LDB2: variants seen among roughly 807,000 people sequenced by gnomAD.
The protein encoded by LDB2 is LIM domain-binding protein 2.
A neutral mutation model predicts 44.3 loss-of-function variants in LDB2; 12 were observed. The ratio of observed to expected loss-of-function variants is 0.27; its 90% CI spans 0.17 to 0.44. The LOEUF (loss-of-function observed/expected upper bound fraction) is 0.44. Ranked by LOEUF, LDB2 falls within the 20% of genes least tolerant of loss-of-function variation. The probability of loss-of-function intolerance (pLI) is 1.00; values close to 1 mark genes in which losing one functional copy is unlikely to be tolerated. For synonymous variants in LDB2, 164 were observed against 174.8 expected (o/e 0.94, Z 0.49); for missense variants, 344 against 473.5 (o/e 0.73, Z 2.54).
At chr4:16,634,528 C>A (rs1026348885) in intron 2 of LDB2, among the ~76,000 whole-genome samples, 1 of 152,106 alleles carries the variant, frequency 6.6e-6, no homozygotes, top group East Asian at 1.9e-4. Flanking sequence ...ATGCAGCCAA[C>A]AGACACATGA....
intron 2 of LDB2, among the ~76,000 whole-genome samples, chr4:16,675,324 G>A (rs548235336): frequency 1.1e-4 from 17 of 152,206 alleles, no homozygotes; most frequent in East Asian, 7.7e-4. Context: ...TATCACATGC[G>A]CACTTATTTT....
intron 7 of LDB2, among the ~76,000 whole-genome samples, chr4:16,505,631 TCCC>T (rs960247219): frequency 2.0e-5 from 3 of 150,036 alleles, no homozygotes; most frequent in Non-Finnish European, 4.4e-5. Flanking sequence ...TTGTTAAAAA[TCCC>T]CCCAACATTG....
intron 2 of LDB2, among the ~76,000 whole-genome samples, chr4:16,700,293 T>C (rs576052782): frequency 1.3e-5 from 2 of 152,220 alleles, no homozygotes; most frequent in South Asian, 2.1e-4. Flanking sequence ...GGTCAACTTC[T>C]CATTTTTTCA....
At chr4:16,778,013 C>T (rs991793908) in intron 1 of LDB2, among the ~76,000 whole-genome samples, 3 of 152,250 alleles carry the variant, frequency 2.0e-5, no homozygotes, top group Non-Finnish European at 2.9e-5. Flanking sequence ...CAGTTCACAC[C>T]GCTGCTCCCA....
intron 2 of LDB2, among the ~76,000 whole-genome samples, chr4:16,681,364 GAGCTTGCA>G (rs1012418134): frequency 3.3e-5 from 5 of 152,132 alleles, no homozygotes; most frequent in Non-Finnish European, 7.4e-5. Flanking sequence ...CAATCTGAAT[GAGCTTGCA>G]AGTAAAATAG....
intron 2 of LDB2, among the ~76,000 whole-genome samples, chr4:16,692,944 G>A (rs1329215344): frequency 6.6e-6 from 1 of 152,206 alleles, no homozygotes. Flanking sequence ...TTTCCTTGAG[G>A]TAGAGATTAT....
At chr4:16,697,266 T>TACACACACACACACACACACACAC (rs57040700) in intron 2 of LDB2, among the ~76,000 whole-genome samples, 121 of 130,734 alleles carry the variant, frequency 9.3e-4, no homozygotes, top group Middle Eastern at 4.0e-3. Context: ...CTACTAAAAA[T>TACACACACACACACACACACACAC]ACACACACAC....
At chr4:16,634,960 C>A (rs1391030363) in intron 2 of LDB2, among the ~76,000 whole-genome samples, 1 of 152,102 alleles carries the variant, frequency 6.6e-6, no homozygotes, top group South Asian at 2.1e-4. Flanking sequence ...ACTATGCAGC[C>A]ATAAAAAAGG....
At chr4:16,770,680 C>T (rs1392044145) in intron 1 of LDB2, among the ~76,000 whole-genome samples, 1 of 152,142 alleles carries the variant, frequency 6.6e-6, no homozygotes, top group Non-Finnish European at 1.5e-5. Context: ...TACTCGCTGC[C>T]TGTTGCAATC....
intron 1 of LDB2, among the ~76,000 whole-genome samples, chr4:16,766,732 C>T (rs1460717614): frequency 6.6e-6 from 1 of 151,948 alleles, no homozygotes; most frequent in Non-Finnish European, 1.5e-5. Flanking sequence ...TCCTGAACTC[C>T]TGACTTCAGG....
intron 1 of LDB2, among the ~76,000 whole-genome samples, chr4:16,883,622 G>A (rs1420171780): frequency 6.6e-6 from 1 of 152,198 alleles, no homozygotes; most frequent in Non-Finnish European, 1.5e-5. Context: ...TGTGCTGGGT[G>A]AGGTCAGGTT....
rs1395100336 is a variant in LDB2 at position 16,543,396 on chromosome 4, A to C, written c.616-31292T>G. Among the ~76,000 whole-genome samples the C allele has an allele frequency of 5.3e-5, 8 of 152,318 alleles. No individual in the cohort carries two copies. In the South Asian group the frequency reaches 1.2e-3, roughly 24 times the overall value. ...TAGTTTACAGTCCCACCAACAGTGT[A>C]AAAGTGTTCCTATTTCTCCACATCC... On this transcript the variant is annotated intron_variant, in intron 5 of 7. Coordinates refer to ENST00000304523, the MANE Select transcript of LDB2 (RefSeq NM_001290.5).
At position 16,672,431 on chromosome 4, in the gene LDB2, G is replaced by A. The variant is rs184709970; in HGVS notation, c.236-76556C>T. 1.2e-4 allele frequency among the ~76,000 whole-genome samples: 18 copies of A among 152,314 alleles called. No homozygotes were observed. The East Asian group carries it at 3.3e-3, about 28-fold the overall frequency. On this transcript the variant is annotated intron_variant, in intron 2 of 7. Transcript: ENST00000304523. ...GTTCATTGGCACCATCTGAGCCAAG[G>A]ATGGGTTCAGGAAACCAAGCCCTAG...
intron 2 of LDB2, among the ~76,000 whole-genome samples, chr4:16,747,343 G>T (rs554534633): frequency 6.6e-6 from 1 of 152,346 alleles, no homozygotes; most frequent in Admixed American, 6.5e-5. Context: ...TTCCAGTACA[G>T]TGTCTAGAAG....
At chr4:16,514,873 A>G (rs572730321) in intron 5 of LDB2, among the ~76,000 whole-genome samples, 1 of 152,226 alleles carries the variant, frequency 6.6e-6, no homozygotes, top group Non-Finnish European at 1.5e-5. Flanking sequence ...TCCATATTCC[A>G]ACATTATGAA....
At chr4:16,893,942 T>C (rs1378167576) in intron 1 of LDB2, among the ~76,000 whole-genome samples, 1 of 152,220 alleles carries the variant, frequency 6.6e-6, no homozygotes, top group African/African-American at 2.4e-5. Context: ...CTTTACTTGA[T>C]AAACTTTCTT....
intron 1 of LDB2, among the ~76,000 whole-genome samples, chr4:16,796,713 GT>G (rs1776815107): frequency 6.6e-6 from 1 of 152,168 alleles, no homozygotes; most frequent in Admixed American, 6.5e-5. Context: ...AGTCAGCCAG[GT>G]GATCAAGCTT....
chr4:16,622,340 G>A (rs1257103842), intron 2 of LDB2, among the ~76,000 whole-genome samples: 7 of 152,204 alleles, frequency 4.6e-5, no homozygotes, highest in Non-Finnish European at 1.0e-4. Context: ...ATAATTATTG[G>A]TTGAATGACA....
chr4:16,571,492 T>G, intron 5 of LDB2, among the ~76,000 whole-genome samples: 1 of 151,692 alleles, frequency 6.6e-6, no homozygotes, highest in East Asian at 1.9e-4. Flanking sequence ...AGAAATGACT[T>G]CAATCCAGGT....
Sources: gnomAD v4.1 joint callset for allele counts (sites outside exome capture counted in the v4.1 genomes callset) on GRCh38, gnomAD v4.1.1 for gene constraint, MANE v1.5 for transcripts, NCBI Gene and HGNC (gene_info 2026-07-23, HGNC 2026-07-21) for gene names.